Variants in OCA2 observed in about 807,000 individuals in gnomAD.
OCA2 encodes the protein OCA2 melanosomal transmembrane protein, also known as P protein.
A neutral mutation model predicts 100.2 loss-of-function variants in OCA2; 77 were observed. The ratio of observed to expected loss-of-function variants is 0.77; its 90% CI spans 0.64 to 0.93. The LOEUF is 0.93. Among genes scored for constraint, OCA2 ranks in the 40% least tolerant of loss-of-function variants. OCA2 has a pLI of 0.00. For missense variants in OCA2, 1,062 were observed against 1,089.1 expected, an observed-to-expected ratio of 0.98 and a Z score of 0.35; for synonymous variants, 432 against 439.2, an observed-to-expected ratio of 0.98 and a Z score of 0.21.
intron 1 of OCA2, among the ~76,000 whole-genome samples, chr15:28,089,706 G>T (rs1352380678): frequency 1.3e-5 from 2 of 152,226 alleles, no homozygotes. Context: ...ACTATGCAAG[G>T]TCTATAAGAA....
rs555541094 is a variant in OCA2 at position 27,837,252 on chromosome 15, T to C, written c.2432+7707A>G. Among the ~76,000 whole-genome samples, 267 of 152,352 alleles carry C rather than the reference T, an allele frequency of 1.8e-3. 3 individuals are homozygous for C. The highest frequency in any genetic ancestry group is 4.3e-4 in the Non-Finnish European group (29 of 68,036). On this transcript the variant is annotated intron_variant, in intron 23 of 23. Transcript: ENST00000354638. ...TGCCGCAAATAAGATTCCTTGGGCATGGCAGAAAGAACGAGTTCTGGACTG... is the reference window on the plus strand; with the variant it reads ...TGCCGCAAATAAGATTCCTTGGGCACGGCAGAAAGAACGAGTTCTGGACTG...
Position 27,794,207 on chromosome 15 carries a change from G to T in OCA2, c.2433-38735C>A, listed in dbSNP as rs1220000728. ...ACTCAGCGCCCCTCATCTTTGAGAG[G>T]CGTGGCCAGCAGCTGCTTTGAGTCC... On this transcript the variant is annotated intron_variant, in intron 23 of 23. Coordinates refer to ENST00000354638, the MANE Select transcript of OCA2 (RefSeq NM_000275.3). Among the ~76,000 whole-genome samples the T allele has an allele frequency of 3.9e-5, 6 of 152,272 alleles. No homozygotes were observed. In the East Asian group the frequency reaches 7.7e-4, roughly 20 times the overall value.
At chr15:28,027,321 T>C (rs2141342848) in intron 4 of OCA2, among the ~76,000 whole-genome samples, 1 of 152,126 alleles carries the variant, frequency 6.6e-6, no homozygotes, top group South Asian at 2.1e-4. Flanking sequence ...ATCCACTTTC[T>C]CTATGCAACT....
At chr15:27,956,393 C>T (rs17567007) in intron 16 of OCA2, among the ~76,000 whole-genome samples, 5,222 of 152,218 alleles carry the variant, frequency 0.034, 107 homozygotes, top group Non-Finnish European at 0.053. Flanking sequence ...TTAGGACACC[C>T]TCATGGTAAT....
rs540949050 is a variant in OCA2 at position 27,765,616 on chromosome 15, G to T, written c.2433-10144C>A. On this transcript the variant is annotated intron_variant, in intron 23 of 23. Transcript: ENST00000354638. The stretch of plus-strand genomic sequence containing the variant: ...TACATGTAGACATACAGCTTAGAAG[G>T]TTATAGCTGGAAGGCTGTAATCTTG... Among the ~76,000 whole-genome samples the T allele has an allele frequency of 2.6e-5, 4 of 152,310 alleles. No individual in the cohort carries two copies. In the East Asian group the frequency reaches 7.7e-4, roughly 29 times the overall value.
intron 11 of OCA2, among the ~76,000 whole-genome samples, chr15:27,987,836 A>T (rs1041371519): frequency 6.6e-6 from 1 of 152,184 alleles, no homozygotes. Context: ...TGAAAATGCA[A>T]TATAATTATT....
chr15:27,748,883 C>T, the OCA2 span, among the ~76,000 whole-genome samples: 8 of 151,516 alleles, frequency 5.3e-5, no homozygotes, highest in South Asian at 4.2e-4. Flanking sequence ...AGAGTGGAGA[C>T]GACAGAGTAT....
intron 23 of OCA2, among the ~76,000 whole-genome samples, chr15:27,784,521 C>T (rs2032709238): frequency 1.3e-5 from 2 of 152,068 alleles, no homozygotes; most frequent in Non-Finnish European, 2.9e-5. Flanking sequence ...CCAATGAAAC[C>T]AGACTCAGGT....
At chr15:27,868,433 A>T (rs1475868579) in intron 21 of OCA2, among the ~76,000 whole-genome samples, 1 of 152,252 alleles carries the variant, frequency 6.6e-6, no homozygotes, top group African/African-American at 2.4e-5. Context: ...GGATGAACGC[A>T]GACGGCATTA....
At chr15:27,725,856 A>G in the OCA2 span, among the ~76,000 whole-genome samples, 5 of 152,120 alleles carry the variant, frequency 3.3e-5, no homozygotes, top group African/African-American at 9.7e-5. Flanking sequence ...TGAGTTCTCA[A>G]AAAAAGTTCA....
At chr15:27,785,717 T>G (rs1268434158) in intron 23 of OCA2, among the ~76,000 whole-genome samples, 2 of 152,322 alleles carry the variant, frequency 1.3e-5, no homozygotes, top group Middle Eastern at 3.4e-3. Flanking sequence ...AAATCCCATA[T>G]GTTCCCACAA....
intron 4 of OCA2, among the ~76,000 whole-genome samples, chr15:28,026,065 C>T (rs745584293): frequency 3.9e-5 from 6 of 152,292 alleles, no homozygotes; most frequent in South Asian, 2.1e-4. Context: ...ATTCTAAATA[C>T]AAATTTCTTT....
chr15:28,062,322 T>G (rs1462293238), intron 2 of OCA2, among the ~76,000 whole-genome samples: 2 of 152,270 alleles, frequency 1.3e-5, no homozygotes, highest in African/African-American at 4.8e-5. Context: ...ATACCACTGA[T>G]GTTGAGCATC....
At position 27,815,439 on chromosome 15, in the gene OCA2, G is replaced by C. The variant is rs531411963; in HGVS notation, c.2432+29520C>G. Among the ~76,000 whole-genome samples, 5 of 152,270 alleles carry C rather than the reference G, an allele frequency of 3.3e-5. No individual in the cohort carries two copies. The East Asian group carries it at 9.7e-4, about 29-fold the overall frequency. On this transcript the variant is annotated intron_variant, in intron 23 of 23. Coordinates refer to ENST00000354638, the MANE Select transcript of OCA2 (RefSeq NM_000275.3). ...TTTTTACCCACCAAACTAGCAATGA[G>C]GAAAAGATGGCATAACATGTTGGTG...
Position 28,001,602 on chromosome 15 carries a change from C to A in OCA2, c.1045-10955G>T, listed in dbSNP as rs564181997. ...CACATATTTTTCTTTCCTTGTGTGT[C>A]TGTGAAGGAGGAAAAAAATAAAGAA... On this transcript the variant is annotated intron_variant, in intron 9 of 23. Transcript: ENST00000354638. Among the ~76,000 whole-genome samples the A allele has an allele frequency of 3.9e-5, 6 of 152,192 alleles. No individual in the cohort carries two copies. In the South Asian group the frequency reaches 1.2e-3, roughly 32 times the overall value.
At chr15:28,065,894 T>G (rs554015453) in intron 2 of OCA2, among the ~76,000 whole-genome samples, 1 of 152,152 alleles carries the variant, frequency 6.6e-6, no homozygotes, top group Non-Finnish European at 1.5e-5. Context: ...GTGAAACAGT[T>G]TTCTTAATTT....
At chr15:27,828,353 C>T (rs1044274405) in intron 23 of OCA2, among the ~76,000 whole-genome samples, 7 of 152,270 alleles carry the variant, frequency 4.6e-5, no homozygotes, top group Admixed American at 2.0e-4. Context: ...TGCTCAGTGC[C>T]GGCATCCCTA....
At chr15:28,060,185 T>C (rs1425829772) in intron 2 of OCA2, among the ~76,000 whole-genome samples, 1 of 151,984 alleles carries the variant, frequency 6.6e-6, no homozygotes, top group East Asian at 1.9e-4. Context: ...GAAGTGTAGG[T>C]CCCCAGCATG....
At chr15:27,729,806 C>G in the OCA2 span, among the ~76,000 whole-genome samples, 1 of 152,222 alleles carries the variant, frequency 6.6e-6, no homozygotes, top group African/African-American at 2.4e-5. Flanking sequence ...GAGCTATAAA[C>G]TGGAGTGTAG....
Sources: gnomAD v4.1 joint callset for allele counts (sites outside exome capture counted in the v4.1 genomes callset) on GRCh38, gnomAD v4.1.1 for gene constraint, MANE v1.5 for transcripts, NCBI Gene and HGNC (gene_info 2026-07-23, HGNC 2026-07-21) for gene names.